The following SDK1 variants were observed in gnomAD, a reference collection of about 807,000 sequenced individuals.
SDK1 encodes protein sidekick-1.
In SDK1, 157 loss-of-function variants were observed where a neutral mutation model predicts 245.5. The observed-to-expected ratio is 0.64, with a 90% CI of 0.56 to 0.73. The LOEUF (loss-of-function observed/expected upper bound fraction) is 0.73. SDK1 is among the 30% of genes least tolerant of loss of function. SDK1 has a pLI of 0.00. For synonymous variants in SDK1, 1,647 were observed against 1,278.5 expected (o/e 1.29, Z -6.15); for missense variants, 3,583 against 3,002.3 (o/e 1.19, Z -4.52).
rs542198097 is a variant in SDK1 at position 3,760,210 on chromosome 7, A to G, written c.714-61240A>G. Among the ~76,000 whole-genome samples, 7 of 152,292 alleles carry G rather than the reference A, an allele frequency of 4.6e-5. No homozygotes were observed. The South Asian group carries it at 1.5e-3, about 32-fold the overall frequency. ...GTCTCGGCCATTTGGGTGGCTGCATATACAGTGATGATCCAGTGCAGTTTT... is the reference window on the plus strand; with the variant it reads ...GTCTCGGCCATTTGGGTGGCTGCATGTACAGTGATGATCCAGTGCAGTTTT... On this transcript the variant is annotated intron_variant, in intron 4 of 44. Transcript: ENST00000404826.
chr7:3,921,901 G>A (rs1779598205), intron 5 of SDK1, among the ~76,000 whole-genome samples: 2 of 151,800 alleles, frequency 1.3e-5, no homozygotes, highest in South Asian at 4.2e-4. Context: ...AGGAGGTCAA[G>A]GCTGTGGTGA....
chr7:3,523,995 C>G (rs995662846), intron 1 of SDK1, among the ~76,000 whole-genome samples: 2 of 152,286 alleles, frequency 1.3e-5, no homozygotes, highest in East Asian at 1.9e-4. Flanking sequence ...GATTCCATCT[C>G]AGGAGTTAGA....
At chr7:3,786,519 T>C (rs569905591) in intron 4 of SDK1, among the ~76,000 whole-genome samples, 1 of 152,292 alleles carries the variant, frequency 6.6e-6, no homozygotes, top group South Asian at 2.1e-4. Context: ...TAGTTAATAC[T>C]CTTATAAGCC....
intron 1 of SDK1, among the ~76,000 whole-genome samples, chr7:3,441,986 C>T (rs1032553750): frequency 6.6e-6 from 1 of 152,148 alleles, no homozygotes; most frequent in Non-Finnish European, 1.5e-5. Flanking sequence ...GATGCCTTAT[C>T]CAGAGCAGCT....
At chr7:4,167,490 G>C (rs546974304) in intron 32 of SDK1, among the ~76,000 whole-genome samples, 3 of 152,210 alleles carry the variant, frequency 2.0e-5, no homozygotes, top group Non-Finnish European at 4.4e-5. Flanking sequence ...TTTCTGAGGC[G>C]TGGCAGGCAC....
intron 5 of SDK1, among the ~76,000 whole-genome samples, chr7:3,939,793 C>T (rs1023719580): frequency 6.6e-6 from 1 of 152,216 alleles, no homozygotes; most frequent in Non-Finnish European, 1.5e-5. Flanking sequence ...ACACCTGTTG[C>T]TCTGAGATGC....
rs752289946 is a variant in SDK1, at chr7:3,710,678, C to T, written c.713+68573C>T. 9.9e-5 allele frequency among the ~76,000 whole-genome samples: 15 copies of T among 152,264 alleles called. No homozygotes were observed. The South Asian group carries it at 1.0e-3, about 11-fold the overall frequency. Reference sequence around the variant, plus strand: ...AAATTACTCTTGCCATTAATTTAACCACAGTTGTGTTATCACTTGACCTAA... The same window carrying T: ...AAATTACTCTTGCCATTAATTTAACTACAGTTGTGTTATCACTTGACCTAA... On this transcript the variant is annotated intron_variant, in intron 4 of 44. Transcript: ENST00000404826.
At chr7:4,036,881 C>G (rs554081057) in intron 17 of SDK1, among the ~76,000 whole-genome samples, 236 of 152,274 alleles carry the variant, frequency 1.5e-3, no homozygotes, top group Non-Finnish European at 2.9e-3. Flanking sequence ...GCTACACAGT[C>G]TATGATATTT....
intron 5 of SDK1, among the ~76,000 whole-genome samples, chr7:3,937,851 T>C (rs576583693): frequency 9.2e-5 from 14 of 152,238 alleles, no homozygotes; most frequent in African/African-American, 2.9e-4. Context: ...CTTTTTTTTT[T>C]CTTTGAGACA....
At chr7:3,949,342 A>G (rs1583609676) in intron 5 of SDK1, among the ~76,000 whole-genome samples, 1 of 152,326 alleles carries the variant, frequency 6.6e-6, no homozygotes, top group East Asian at 1.9e-4. Context: ...GTTTAATACA[A>G]AAATCTCATA....
At chr7:4,251,579 A>T (rs1158245728) in intron 44 of SDK1, among the ~76,000 whole-genome samples, 1 of 152,254 alleles carries the variant, frequency 6.6e-6, no homozygotes, top group Non-Finnish European at 1.5e-5. Context: ...CTGGTCACAT[A>T]GGCATCCTCT....
intron 1 of SDK1, among the ~76,000 whole-genome samples, chr7:3,521,721 T>C (rs1422551046): frequency 6.6e-6 from 1 of 152,054 alleles, no homozygotes; most frequent in African/African-American, 2.4e-5. Flanking sequence ...CTTGAACAAA[T>C]AGGATGTAGG....
chr7:3,645,329 G>C (rs1334897754), intron 4 of SDK1, among the ~76,000 whole-genome samples: 1 of 152,134 alleles, frequency 6.6e-6, no homozygotes, highest in African/African-American at 2.4e-5. Context: ...TTTTTAAAGA[G>C]ATGAGATGAG....
At chr7:3,797,536 A>G (rs73032386) in intron 4 of SDK1, among the ~76,000 whole-genome samples, 2,504 of 152,006 alleles carry the variant, frequency 0.016, 33 homozygotes, top group Non-Finnish European at 0.027. Context: ...ATCATATTTT[A>G]TATGCTTTAC....
At chr7:3,531,948 T>A (rs1048729363) in intron 1 of SDK1, among the ~76,000 whole-genome samples, 2 of 152,248 alleles carry the variant, frequency 1.3e-5, no homozygotes, top group Admixed American at 1.3e-4. Context: ...ACACACCATT[T>A]ATCTGGTCAT....
intron 5 of SDK1, among the ~76,000 whole-genome samples, chr7:3,822,884 T>C (rs1355108153): frequency 6.6e-6 from 1 of 152,148 alleles, no homozygotes; most frequent in Non-Finnish European, 1.5e-5. Context: ...GGTGAATCTT[T>C]GTAGCAAACT....
intron 1 of SDK1, among the ~76,000 whole-genome samples, chr7:3,571,019 T>C (rs372603155): frequency 6.6e-6 from 1 of 152,224 alleles, no homozygotes; most frequent in Admixed American, 6.5e-5. Context: ...ACAGAGCTAA[T>C]ACTTTGTTTT....
At chr7:3,477,177 T>C (rs563200933) in intron 1 of SDK1, among the ~76,000 whole-genome samples, 108 of 150,362 alleles carry the variant, frequency 7.2e-4, no homozygotes, top group African/African-American at 2.5e-3. Context: ...ATTTTTGCTT[T>C]ATGGTTTTCT....
intron 1 of SDK1, among the ~76,000 whole-genome samples, chr7:3,524,762 C>T (rs1783064447): frequency 6.6e-6 from 1 of 152,068 alleles, no homozygotes. Context: ...GTTGCACAGG[C>T]ATTTCGATGT....
Sources: gnomAD v4.1 joint callset for allele counts (sites outside exome capture counted in the v4.1 genomes callset) on GRCh38, gnomAD v4.1.1 for gene constraint, MANE v1.5 for transcripts, NCBI Gene and HGNC (gene_info 2026-07-23, HGNC 2026-07-21) for gene names.